The following SPATS2L variants were observed in gnomAD, a reference collection of about 807,000 sequenced individuals.
The protein encoded by SPATS2L is SPATS2-like protein.
SPATS2L carries 30 observed loss-of-function variants against 59.6 expected under a neutral mutation model. The observed-to-expected ratio is 0.50, with a 90% CI of 0.38 to 0.68. The LOEUF is 0.68. Among genes scored for constraint, SPATS2L ranks in the 30% least tolerant of loss-of-function variants. SPATS2L has a pLI of 0.00. For missense variants in SPATS2L, 615 were observed against 700.0 expected (o/e 0.88, Z 1.37); for synonymous variants, 252 against 263.5 (o/e 0.96, Z 0.42).
chr2:200,362,748 G>A (rs143233410), intron 2 of SPATS2L, among the ~76,000 whole-genome samples: 29 of 151,566 alleles, frequency 1.9e-4, no homozygotes, highest in African/African-American at 3.9e-4. Context: ...GTTTTGACCC[G>A]GAGTTCAGCT....
chr2:200,362,507 A>G (rs1012136340), intron 2 of SPATS2L, among the ~76,000 whole-genome samples: 4 of 152,340 alleles, frequency 2.6e-5, no homozygotes, highest in African/African-American at 9.6e-5. Context: ...GACAAAAGAA[A>G]GTGGGAAGCA....
chr2:200,441,004 G>A (rs1165610197), intron 8 of SPATS2L, among the ~76,000 whole-genome samples: 1 of 152,158 alleles, frequency 6.6e-6, no homozygotes, highest in Non-Finnish European at 1.5e-5. Flanking sequence ...TAATTCACTG[G>A]AGTTTGAAGT....
intron 8 of SPATS2L, among the ~76,000 whole-genome samples, chr2:200,452,409 T>G (rs1440310615): frequency 6.6e-6 from 1 of 152,220 alleles, no homozygotes; most frequent in Non-Finnish European, 1.5e-5. Context: ...AATTATGTCC[T>G]TTTTGAAGAA....
chr2:200,325,349 A>G (rs955142046), intron 1 of SPATS2L, among the ~76,000 whole-genome samples: 2 of 152,130 alleles, frequency 1.3e-5, no homozygotes, highest in African/African-American at 2.4e-5. Context: ...GGTACAGCTG[A>G]ATCCAAGATT....
chr2:200,436,372 A>G (rs2084292517), intron 6 of SPATS2L, among the ~76,000 whole-genome samples: 1 of 152,204 alleles, frequency 6.6e-6, no homozygotes, highest in African/African-American at 2.4e-5. Flanking sequence ...ACATGCAGTA[A>G]TGATGAACAA....
chr2:200,383,880 A>T (rs2105915262), intron 2 of SPATS2L: 4 of 1,001,228 alleles, frequency 4.0e-6, no homozygotes, highest in South Asian at 4.7e-5. Flanking sequence ...AAGCAAAGTG[A>T]TGTAATACCC....
intron 2 of SPATS2L, among the ~76,000 whole-genome samples, chr2:200,354,436 C>T (rs781568125): frequency 1.5e-4 from 23 of 151,976 alleles, no homozygotes; most frequent in Admixed American, 3.9e-4. Context: ...GGTGAAATCC[C>T]GTCTCTACTA....
At chr2:200,476,462 A>G (rs1030622685) in intron 12 of SPATS2L, among the ~76,000 whole-genome samples, 1 of 152,264 alleles carries the variant, frequency 6.6e-6, no homozygotes, top group African/African-American at 2.4e-5. Context: ...TAGAATTCCT[A>G]TGCATGGTTT....
intron 9 of SPATS2L, chr2:200,463,147 A>G (rs1409915739): frequency 6.6e-6 from 1 of 152,166 alleles, no homozygotes; most frequent in Non-Finnish European, 1.5e-5. Context: ...ACAAGCCTGT[A>G]TCAACACTAT....
At chr2:200,463,218 T>C (rs1270551330) in intron 9 of SPATS2L, 1 of 152,122 alleles carries the variant, frequency 6.6e-6, no homozygotes, top group African/African-American at 2.4e-5. Flanking sequence ...GAACTGTCTT[T>C]ACAACCACCA....
At chr2:200,316,845 T>C (rs1387357872) in intron 1 of SPATS2L, among the ~76,000 whole-genome samples, 2 of 152,170 alleles carry the variant, frequency 1.3e-5, no homozygotes, top group Non-Finnish European at 2.9e-5. Flanking sequence ...TTGATAGATA[T>C]TTAGAATTGA....
chr2:200,448,883 A>G (rs2085246744), intron 8 of SPATS2L, among the ~76,000 whole-genome samples: 1 of 152,230 alleles, frequency 6.6e-6, no homozygotes, highest in Non-Finnish European at 1.5e-5. Context: ...AGAGAGCCAT[A>G]TGTATGGTTT....
chr2:200,363,357 C>T (rs1384282501), intron 2 of SPATS2L, among the ~76,000 whole-genome samples: 4 of 152,182 alleles, frequency 2.6e-5, no homozygotes, highest in Non-Finnish European at 5.9e-5. Context: ...GTTTACTTGA[C>T]TAGCCAAGCA....
chr2:200,439,834 G>A (rs1461363986), intron 7 of SPATS2L, among the ~76,000 whole-genome samples: 1 of 152,104 alleles, frequency 6.6e-6, no homozygotes, highest in Admixed American at 6.6e-5. Context: ...TATTTGACAC[G>A]CTGGATTTTT....
At chr2:200,467,841 T>TTCTA (rs1316740359) in intron 10 of SPATS2L, among the ~76,000 whole-genome samples, 1 of 152,206 alleles carries the variant, frequency 6.6e-6, no homozygotes, top group East Asian at 1.9e-4. Context: ...CTGTATTATT[T>TTCTA]TCTAGTTTAG....
chr2:200,396,265 G>A (rs1407207877), intron 3 of SPATS2L, among the ~76,000 whole-genome samples: 1 of 151,700 alleles, frequency 6.6e-6, no homozygotes, highest in Non-Finnish European at 1.5e-5. Context: ...GCCACTCACT[G>A]TGAATAGCTT....
chr2:200,425,698 T>C (rs560567266), intron 6 of SPATS2L, among the ~76,000 whole-genome samples: 2 of 152,338 alleles, frequency 1.3e-5, no homozygotes, highest in African/African-American at 4.8e-5. Flanking sequence ...ATCCAACATG[T>C]GTCAGGAATT....
At chr2:200,381,892 T>A (rs1252991715) in intron 2 of SPATS2L, among the ~76,000 whole-genome samples, 1 of 152,188 alleles carries the variant, frequency 6.6e-6, no homozygotes, top group Admixed American at 6.5e-5. Flanking sequence ...TCTTAGTAAT[T>A]AAGTTAGTAA....
chr2:200,371,887 C>G (rs1051586915), intron 2 of SPATS2L, among the ~76,000 whole-genome samples: 3 of 152,170 alleles, frequency 2.0e-5, no homozygotes, highest in African/African-American at 7.2e-5. Context: ...TTTGTGTCAT[C>G]GAACAGCTTC....
Sources: allele counts gnomAD v4.1 joint callset (sites outside exome capture counted in the v4.1 genomes callset), GRCh38; gene constraint gnomAD v4.1.1; transcripts MANE v1.5; gene names NCBI Gene and HGNC (gene_info 2026-07-23, HGNC 2026-07-21).